The following HIKESHI variants were observed in gnomAD, a reference collection of about 807,000 sequenced individuals.
The protein encoded by HIKESHI is heat shock protein nuclear import factor hikeshi, also known as protein Hikeshi.
Under a neutral mutation model 25.7 loss-of-function variants are expected in HIKESHI, and 13 were observed. That is an observed-to-expected ratio of 0.51 (90% CI 0.33 to 0.80). HIKESHI has a LOEUF of 0.80. HIKESHI is among the 30% of genes least tolerant of loss of function. The probability of loss-of-function intolerance (pLI) is 0.02; values close to 1 mark genes in which losing one functional copy is unlikely to be tolerated. For missense variants in HIKESHI, 174 were observed against 229.5 expected (o/e 0.76, Z 1.56); for synonymous variants, 76 against 78.7 (o/e 0.97, Z 0.18).
chr11:86,343,980 T>C (rs1026542704), intron 3 of HIKESHI: 1 of 152,240 alleles, frequency 6.6e-6, no homozygotes, highest in African/African-American at 2.4e-5. Context: ...GTTAGTGAAT[T>C]TGATCATTTT....
intron 2 of HIKESHI, among the ~76,000 whole-genome samples, chr11:86,316,582 A>C (rs1331485681): frequency 6.6e-6 from 1 of 152,064 alleles, no homozygotes; most frequent in Non-Finnish European, 1.5e-5. Flanking sequence ...TGTAGTAAAA[A>C]GAAAATAAGG....
intron 2 of HIKESHI, among the ~76,000 whole-genome samples, chr11:86,335,912 TTATACAGAGGAAACGA>T (rs1947544278): frequency 6.6e-6 from 1 of 152,170 alleles, no homozygotes; most frequent in Non-Finnish European, 1.5e-5. Flanking sequence ...AGTAAGGCTC[TTATACAGAGGAAACGA>T]ACAGAAACTT....
intron 2 of HIKESHI, among the ~76,000 whole-genome samples, chr11:86,320,875 C>T (rs1308482318): frequency 6.6e-6 from 1 of 152,022 alleles, no homozygotes; most frequent in Non-Finnish European, 1.5e-5. Context: ...GCTTTTTTTA[C>T]TCAGAATAAT....
intron 2 of HIKESHI, among the ~76,000 whole-genome samples, chr11:86,314,153 C>A (rs898811785): frequency 1.3e-5 from 2 of 152,124 alleles, no homozygotes; most frequent in Admixed American, 6.6e-5. Context: ...ATCCCTCCCC[C>A]AAAACAACTG....
At chr11:86,329,723 G>C (rs1359283700) in intron 2 of HIKESHI, among the ~76,000 whole-genome samples, 1 of 151,842 alleles carries the variant, frequency 6.6e-6, no homozygotes, top group African/African-American at 2.4e-5. Context: ...ATAAATTGAT[G>C]AATTGTTTCT....
At chr11:86,345,161 T>C in intron 4 of HIKESHI, 1 of 1,040,160 alleles carries the variant, frequency 9.6e-7, no homozygotes, top group Non-Finnish European at 1.2e-6. Context: ...TGAGAAGTGG[T>C]ACCATGGTGT....
intron 2 of HIKESHI, among the ~76,000 whole-genome samples, chr11:86,314,381 C>T (rs1465341251): frequency 2.0e-5 from 3 of 151,852 alleles, no homozygotes; most frequent in Non-Finnish European, 2.9e-5. Context: ...TTTGGGAGGC[C>T]GAGGAGGTGG....
intron 3 of HIKESHI, among the ~76,000 whole-genome samples, chr11:86,339,392 A>G (rs1018936467): frequency 3.3e-5 from 5 of 152,234 alleles, no homozygotes; most frequent in African/African-American, 9.6e-5. Context: ...ATAGGTCCAC[A>G]AAATAGAATA....
chr11:86,304,742 C>T (rs751513471), intron 1 of HIKESHI, among the ~76,000 whole-genome samples: 3 of 152,184 alleles, frequency 2.0e-5, no homozygotes, highest in African/African-American at 7.2e-5. Context: ...TCTGGAACTC[C>T]TGACCTCAGG....
At chr11:86,304,345 T>G (rs962143814) in intron 1 of HIKESHI, among the ~76,000 whole-genome samples, 4 of 152,140 alleles carry the variant, frequency 2.6e-5, no homozygotes, top group African/African-American at 9.7e-5. Context: ...TTAGGAAGAC[T>G]AGCCAGCACT....
intron 2 of HIKESHI, among the ~76,000 whole-genome samples, chr11:86,331,438 A>G (rs1198163104): frequency 6.6e-6 from 1 of 152,102 alleles, no homozygotes; most frequent in East Asian, 1.9e-4. Context: ...GCAGTGAGCT[A>G]AGGTCACACC....
Position 86,302,481 on chromosome 11 carries a change from G to A in HIKESHI, c.30+3G>A, listed in dbSNP as rs770306492. ...GCTGCTTGGTGGCGGGGAGGCTGGT[G>A]AGGATGGGACCGGGTGATATCAGGA... On this transcript the variant is annotated splice_donor_region_variant and intron_variant, in intron 1 of 4. Coordinates refer to ENST00000278483, the MANE Select transcript of HIKESHI (RefSeq NM_016401.4). 1.8e-5 allele frequency: 28 copies of A among 1,558,050 alleles called. No homozygotes were observed. In the South Asian group the frequency reaches 2.5e-4, roughly 14 times the overall value.
chr11:86,312,966 G>C (rs11234608), intron 2 of HIKESHI, among the ~76,000 whole-genome samples: 17,223 of 152,170 alleles, frequency 0.11, 1,070 homozygotes, highest in East Asian at 0.24. Context: ...GGTAACCCGA[G>C]CTTTCTCTCT....
chr11:86,315,951 A>G (rs939435766), intron 2 of HIKESHI, among the ~76,000 whole-genome samples: 1 of 152,024 alleles, frequency 6.6e-6, no homozygotes, highest in African/African-American at 2.4e-5. Flanking sequence ...GAGTAATAAT[A>G]TTGATTCTCC....
chr11:86,303,316 C>T, intron 1 of HIKESHI: 1 of 717,916 alleles, frequency 1.4e-6, no homozygotes, highest in Non-Finnish European at 1.7e-6. Flanking sequence ...CTTTTTTTCC[C>T]ATCAAGTTTT....
chr11:86,339,794 G>A (rs191553750), intron 3 of HIKESHI, among the ~76,000 whole-genome samples: 26 of 152,080 alleles, frequency 1.7e-4, no homozygotes, highest in African/African-American at 6.0e-4. Flanking sequence ...TGTGCAAAAC[G>A]TGCAGGTTTG....
intron 2 of HIKESHI, among the ~76,000 whole-genome samples, chr11:86,311,909 C>T (rs749613393): frequency 6.6e-6 from 1 of 152,100 alleles, no homozygotes; most frequent in Non-Finnish European, 1.5e-5. Context: ...GTTTGAATGC[C>T]CTGTGGTCTG....
At chr11:86,338,502 A>T (rs1947631117) in intron 3 of HIKESHI, among the ~76,000 whole-genome samples, 1 of 152,216 alleles carries the variant, frequency 6.6e-6, no homozygotes. Context: ...CTTCTTGCTT[A>T]GTGAAATAGA....
chr11:86,312,389 C>CT (rs1268462846), intron 2 of HIKESHI, among the ~76,000 whole-genome samples: 2 of 152,008 alleles, frequency 1.3e-5, no homozygotes. Context: ...CAACCCCTGC[C>CT]TTTTTTTGTT....
Sources: allele counts gnomAD v4.1 joint callset (sites outside exome capture counted in the v4.1 genomes callset), GRCh38; gene constraint gnomAD v4.1.1; transcripts MANE v1.5; gene names NCBI Gene and HGNC (gene_info 2026-07-23, HGNC 2026-07-21).